The following WDFY4 variants were observed in gnomAD, a reference collection of about 807,000 sequenced individuals.
WDFY4 encodes WD repeat- and FYVE domain-containing protein 4.
A neutral mutation model predicts 351.9 loss-of-function variants in WDFY4; 169 were observed. The ratio of observed to expected loss-of-function variants is 0.48; its 90% confidence interval spans 0.42 to 0.55. The LOEUF is 0.55. Among genes scored for constraint, WDFY4 ranks in the 20% least tolerant of loss-of-function variants. The pLI, the probability that WDFY4 is intolerant of heterozygous loss-of-function variation, is 0.00. For missense variants in WDFY4, 3,803 were observed against 3,935.6 expected, an observed-to-expected ratio of 0.97 and a Z score of 0.90; for synonymous variants, 1,622 against 1,574.6, an observed-to-expected ratio of 1.03 and a Z score of -0.71.
rs1406858337 is a variant in WDFY4 at position 48,768,684 on chromosome 10, C to A, written c.2554-5774C>A. 2.0e-5 allele frequency among the ~76,000 whole-genome samples: 3 copies of A among 149,474 alleles called. No individual in the cohort carries two copies. In the East Asian group the frequency reaches 6.0e-4, roughly 30 times the overall value. ...GAAACCAAGGTGAAGAGTCACGGGTCGAGCAGCCACCCACGGTGTTGTGGG... is the reference window on the plus strand; with the variant it reads ...GAAACCAAGGTGAAGAGTCACGGGTAGAGCAGCCACCCACGGTGTTGTGGG... On this transcript the variant is annotated intron_variant, in intron 13 of 61. Transcript: ENST00000325239.
intron 39 of WDFY4, among the ~76,000 whole-genome samples, chr10:48,850,905 G>A (rs942822534): frequency 2.0e-5 from 3 of 152,178 alleles, no homozygotes; most frequent in Admixed American, 6.5e-5. Flanking sequence ...GGAAATATTT[G>A]ACAAACAATA....
chr10:48,785,768 T>TC (rs2066385920), intron 19 of WDFY4, among the ~76,000 whole-genome samples: 1 of 152,174 alleles, frequency 6.6e-6, no homozygotes, highest in African/African-American at 2.4e-5. Flanking sequence ...GAGTAGTTCC[T>TC]CCCCCAAATT....
intron 54 of WDFY4, among the ~76,000 whole-genome samples, chr10:48,965,202 G>C (rs1212573640): frequency 6.6e-6 from 1 of 152,178 alleles, no homozygotes; most frequent in Non-Finnish European, 1.5e-5. Flanking sequence ...CATAGCCCTT[G>C]TCCACAGCAC....
At chr10:48,906,088 G>A (rs1361592157) in intron 47 of WDFY4, among the ~76,000 whole-genome samples, 2 of 152,196 alleles carry the variant, frequency 1.3e-5, no homozygotes, top group Non-Finnish European at 2.9e-5. Flanking sequence ...TTGGATCACT[G>A]GAGGCAATAA....
chr10:48,750,395 A>G (rs905845531), intron 12 of WDFY4, among the ~76,000 whole-genome samples: 2 of 152,244 alleles, frequency 1.3e-5, no homozygotes, highest in Admixed American at 6.5e-5. Context: ...GCATGCAGCC[A>G]TGCAGCCATG....
At chr10:48,710,963 T>G (rs936717490) in intron 2 of WDFY4, among the ~76,000 whole-genome samples, 1 of 152,240 alleles carries the variant, frequency 6.6e-6, no homozygotes, top group Admixed American at 6.5e-5. Context: ...ACTTAGTGTT[T>G]ACTTGACTAT....
Position 48,774,594 on chromosome 10 carries a change from G to C in WDFY4, c.2690G>C (p.Ser897Thr). The C allele has an allele frequency of 6.4e-7, 1 of 1,551,740 alleles. No individual in the cohort carries two copies. ...TCCTGCCACAGGGCCCTGGTCACCA[G>C]TGGCAGCCCCCTCCACTCACGCCTC... The part of the protein sequence containing the change: ...MASCHRALVT[S>T]GSPLHSRLIR... Residue 897 changes from serine (S) to threonine (T), a missense_variant, in exon 14 of 62, where the codon AGT (serine) becomes ACT (threonine). Ser to Thr is a moderately conservative substitution (Grantham distance 58). Around this residue, in one of 3 missense-constraint regions of WDFY4, gnomAD observed 3,054 missense variants for 3,148.6 expected, o/e 0.97. Transcript: ENST00000325239.
chr10:48,749,405 C>T (rs4363511), intron 12 of WDFY4, among the ~76,000 whole-genome samples: 34,623 of 151,898 alleles, frequency 0.23, 4,056 homozygotes, highest in African/African-American at 0.29. Flanking sequence ...TGGCATACCA[C>T]ACACCCACAC....
intron 40 of WDFY4, among the ~76,000 whole-genome samples, chr10:48,867,624 C>G (rs1284474371): frequency 6.6e-6 from 1 of 152,214 alleles, no homozygotes; most frequent in Non-Finnish European, 1.5e-5. Flanking sequence ...CTGCCCCTTT[C>G]TATGCCAGTG....
At chr10:48,809,254 C>A (rs2067362211) in intron 28 of WDFY4, among the ~76,000 whole-genome samples, 1 of 151,672 alleles carries the variant, frequency 6.6e-6, no homozygotes, top group South Asian at 2.1e-4. Context: ...TCACCACCAC[C>A]ACCATCATCA....
Position 48,817,412 on chromosome 10 carries a change from A to G in WDFY4, c.5505+3A>G. 6.5e-7 allele frequency: 1 copy of G among 1,548,802 alleles called. No homozygotes were observed. ...CCTTCCCCCTGGGAGCCCAAAAGGT[A>G]GGACATGCTGCTGTCCCACCCAGAG... On this transcript the variant is annotated splice_donor_region_variant and intron_variant, in intron 32 of 61. Transcript: ENST00000325239.
chr10:48,787,940 T>C (rs1279821537), intron 20 of WDFY4, among the ~76,000 whole-genome samples: 8 of 99,182 alleles, frequency 8.1e-5, no homozygotes, highest in African/African-American at 3.3e-4. Context: ...CTTCTTCTTC[T>C]TCTTCTTCTT....
intron 1 of WDFY4, among the ~76,000 whole-genome samples, chr10:48,705,910 G>C (rs532276076): frequency 5.3e-4 from 81 of 152,284 alleles, no homozygotes; most frequent in Non-Finnish European, 9.4e-4. Flanking sequence ...CCTCAGACAT[G>C]GTTTACTGAT....
rs942645584 is a variant in WDFY4, at chr10:48,760,399, G to A, written c.2512G>A (p.Val838Met). Reference protein sequence around the residue: ...IMHPGVVCIMVRLLPRLYHED... With the variant: ...IMHPGVVCIMMRLLPRLYHED... ...GCATCCCGGGGTCGTGTGCATCATG[G>A]TGAGGCTGCTGCCTCGGTTGTACCA... The change falls in exon 13 of 62, where the codon GTG becomes ATG. Residue 838 changes from valine (V) to methionine (M), a missense_variant. Physicochemically the swap from Val to Met is conservative, Grantham distance 21. Transcript: ENST00000325239. 1.5e-5 allele frequency: 23 copies of A among 1,551,552 alleles called. No homozygotes were observed. The highest frequency in any genetic ancestry group is 1.4e-5 in the African/African-American group (1 of 73,040).
At chr10:48,796,611 T>C (rs180839724) in intron 24 of WDFY4, among the ~76,000 whole-genome samples, 161 bp downstream of exon 24, 58 of 152,348 alleles carry the variant, frequency 3.8e-4, no homozygotes, top group African/African-American at 1.3e-3. Context: ...TGGTTTGTAA[T>C]GACATGTGCC....
chr10:48,784,197 A>T (rs755742886), intron 19 of WDFY4, among the ~76,000 whole-genome samples: 10 of 152,210 alleles, frequency 6.6e-5, no homozygotes, highest in Non-Finnish European at 1.2e-4. Context: ...TCTATCTGGG[A>T]TGAATTCCAA....
intron 2 of WDFY4, among the ~76,000 whole-genome samples, chr10:48,715,929 G>A (rs1040354185): frequency 1.3e-5 from 2 of 151,754 alleles, no homozygotes; most frequent in South Asian, 4.2e-4. Flanking sequence ...GTTTACAGGT[G>A]TGAGCCACCG....
At chr10:48,729,309 A>G (rs1177303218) in intron 7 of WDFY4, 123 bp from the exon 8 acceptor site, 11 of 1,399,014 alleles carry the variant, frequency 7.9e-6, no homozygotes, top group African/African-American at 1.4e-5. Flanking sequence ...CCTCAGGTGC[A>G]GACCTGTGGG....
intron 54 of WDFY4, among the ~76,000 whole-genome samples, 177 bp downstream of exon 54, chr10:48,964,231 A>G (rs535175837): frequency 2.6e-5 from 4 of 152,268 alleles, no homozygotes; most frequent in Non-Finnish European, 5.9e-5. Context: ...GTTGATGCAT[A>G]TGATGACATC....
Sources: gnomAD v4.1 joint callset for allele counts (sites outside exome capture counted in the v4.1 genomes callset) on GRCh38, gnomAD v4.1.1 for gene constraint, gnomAD v4.1.1 regional missense constraint, MANE v1.5 for transcripts, NCBI Gene and HGNC (gene_info 2026-07-23, HGNC 2026-07-21) for gene names.